Variants in TP53BP2 observed in about 807,000 individuals in gnomAD.
TP53BP2 encodes tumor protein p53 binding protein 2, also known as apoptosis-stimulating of p53 protein 2.
TP53BP2 carries 62 observed loss-of-function variants against 126.2 expected under a neutral mutation model. The observed-to-expected ratio is 0.49, with a 90% CI of 0.40 to 0.61. The LOEUF (loss-of-function observed/expected upper bound fraction) is 0.61. TP53BP2 is among the 20% of genes least tolerant of loss of function. The pLI, the probability that TP53BP2 is intolerant of heterozygous loss-of-function variation, is 0.00. For synonymous variants in TP53BP2, 485 were observed against 502.9 expected (o/e 0.96, Z 0.48); for missense variants, 1,215 against 1,402.8 (o/e 0.87, Z 2.14).
rs527297637 is a variant in TP53BP2, at chr1:223,799,991, T to A, written c.1393A>T (p.Met465Leu). 23 of 1,613,230 alleles carry A rather than the reference T, an allele frequency of 1.4e-5. No homozygotes were observed. In the South Asian group the frequency reaches 2.5e-4, roughly 18 times the overall value. ...TTGGACTGGTCTACTGCATCAAACA[T>A]TGAGAACGGACGCACTTTCTTCTCT... Reference protein sequence around the residue: ...EKEKKVRPFSMFDAVDQSNAP... With the variant: ...EKEKKVRPFSLFDAVDQSNAP... The change falls in exon 11 of 18, where the codon ATG becomes TTG. Residue 465 changes from methionine to leucine, a missense_variant. Physicochemically the swap from Met to Leu is conservative, Grantham distance 15. Coordinates refer to ENST00000343537, the MANE Select transcript of TP53BP2 (RefSeq NM_001031685.3).
At chr1:223,792,682 A>T (rs1002773148) in intron 14 of TP53BP2, among the ~76,000 whole-genome samples, 160 bp from the exon 15 acceptor site, 1 of 152,180 alleles carries the variant, frequency 6.6e-6, no homozygotes, top group Non-Finnish European at 1.5e-5. Flanking sequence ...TATACCAAGA[A>T]CAATTCTAGA....
intron 1 of TP53BP2, among the ~76,000 whole-genome samples, chr1:223,823,908 T>C (rs1247795716): frequency 6.6e-6 from 1 of 152,206 alleles, no homozygotes; most frequent in Non-Finnish European, 1.5e-5. Context: ...ACAGAAATAC[T>C]GGAAATACAG....
rs376487016 is a variant in TP53BP2 at position 223,796,511 on chromosome 1, C to T, written c.2028G>A (p.Lys676=). 43 of 1,613,948 alleles carry T rather than the reference C, an allele frequency of 2.7e-5. No individual in the cohort carries two copies. In the East Asian group the frequency reaches 7.8e-4, roughly 29 times the overall value. Reference sequence around the variant, plus strand: ...CTGTTTCAGGTTCTGGACTGCCAGGCTTGCCCTGGCTATTGGAATAAATGT... The same window carrying T: ...CTGTTTCAGGTTCTGGACTGCCAGGTTTGCCCTGGCTATTGGAATAAATGT... ...PENIYSNSQG[K]PGSPEPETEP... is the part of the protein sequence containing the mutation. Residue 676 remains lysine, a synonymous_variant, in exon 13 of 18, where the codon AAG becomes AAA. Transcript: ENST00000343537. The surrounding 1 kb of genome is among the most constrained non-coding windows in gnomAD (Gnocchi z 4.2).
At chr1:223,832,092 C>A (rs1242429257) in intron 1 of TP53BP2, among the ~76,000 whole-genome samples, 1 of 151,750 alleles carries the variant, frequency 6.6e-6, no homozygotes, top group African/African-American at 2.4e-5. Flanking sequence ...GAGTCAGAGG[C>A]TAACATTTAT....
chr1:223,805,527 T>C (rs528289433), intron 5 of TP53BP2, among the ~76,000 whole-genome samples: 2 of 152,284 alleles, frequency 1.3e-5, no homozygotes, highest in South Asian at 4.1e-4. Flanking sequence ...TTGGAAAAAC[T>C]GGGGTCTGGT....
chr1:223,781,885 G>C (rs1661789305), intron 17 of TP53BP2, among the ~76,000 whole-genome samples: 1 of 152,036 alleles, frequency 6.6e-6, no homozygotes, highest in Non-Finnish European at 1.5e-5. Flanking sequence ...AAAGTACTAA[G>C]AAAATCTAAA....
At chr1:223,781,795 C>CT (rs1661786877) in intron 17 of TP53BP2, among the ~76,000 whole-genome samples, 1 of 151,894 alleles carries the variant, frequency 6.6e-6, no homozygotes, top group Admixed American at 6.6e-5. Context: ...TACATATATG[C>CT]ACTTTCCTTT....
At chr1:223,788,201 ACAGAGGGAAAAGTTCAG>A (rs1182070879) in intron 16 of TP53BP2, among the ~76,000 whole-genome samples, 3 of 152,180 alleles carry the variant, frequency 2.0e-5, no homozygotes, top group Non-Finnish European at 4.4e-5. Context: ...AGGCCTAGAG[ACAGAGGGAAAAGTTCAG>A]CAGAGAGGGC....
At position 223,804,258 on chromosome 1, in the gene TP53BP2, C is replaced by T. The variant is rs771096472; in HGVS notation, c.565G>A (p.Ala189Thr). The T allele has an allele frequency of 1.3e-5, 21 of 1,614,140 alleles. No homozygotes were observed. The East Asian group carries it at 4.7e-4, about 36-fold the overall frequency. The change falls in exon 6 of 18, where the codon GCT becomes ACT. Residue 189 changes from alanine to threonine, a missense_variant. Physicochemically the swap from Ala to Thr is moderately conservative, Grantham distance 58. This residue lies in a region of TP53BP2 where 814 missense variants were observed against 853.0 expected (regional missense o/e 0.95). Transcript: ENST00000343537. ...QEKLKRLKEI[A>T]ENQEAKLKKV... ...TTTAGCTTAGCTTCCTGATTCTCAG[C>T]TATTTCTTTTAGCCTTTTAAGTTTC...
At chr1:223,842,388 G>A (rs1029381663) in intron 1 of TP53BP2, among the ~76,000 whole-genome samples, 1 of 152,176 alleles carries the variant, frequency 6.6e-6, no homozygotes, top group Non-Finnish European at 1.5e-5. Flanking sequence ...GGCCACATTT[G>A]AAGTGCAGTA....
chr1:223,821,540 G>A, intron 1 of TP53BP2, 173 bp from the exon 2 acceptor site: 1 of 830,538 alleles, frequency 1.2e-6, no homozygotes, highest in South Asian at 1.3e-5. Flanking sequence ...AGGGAGACCT[G>A]GAGCCCAGCC....
intron 16 of TP53BP2, among the ~76,000 whole-genome samples, chr1:223,785,857 C>T (rs1210785529): frequency 6.6e-6 from 1 of 152,106 alleles, no homozygotes; most frequent in Admixed American, 6.5e-5. Flanking sequence ...TCCAAATCCA[C>T]CAAGAGTCAA....
intron 2 of TP53BP2, among the ~76,000 whole-genome samples, chr1:223,819,031 A>G (rs146869815): frequency 0.055 from 8,297 of 151,802 alleles, 308 homozygotes; most frequent in Non-Finnish European, 0.085. Flanking sequence ...TAAAAATACA[A>G]AATTAGTTGG....
chr1:223,831,718 C>G (rs1663738324), intron 1 of TP53BP2, among the ~76,000 whole-genome samples: 1 of 149,704 alleles, frequency 6.7e-6, no homozygotes, highest in African/African-American at 2.5e-5. Flanking sequence ...TTTCTACCTC[C>G]TATAGTCATC....
At chr1:223,825,376 G>A (rs1382937271) in intron 1 of TP53BP2, among the ~76,000 whole-genome samples, 1 of 152,136 alleles carries the variant, frequency 6.6e-6, no homozygotes, top group African/African-American at 2.4e-5. Flanking sequence ...CCCCTTCCTT[G>A]AGAGCATACA....
chr1:223,811,540 ACTT>A (rs1330809188), intron 3 of TP53BP2, among the ~76,000 whole-genome samples: 1 of 152,186 alleles, frequency 6.6e-6, no homozygotes, highest in Non-Finnish European at 1.5e-5. Context: ...AGAAAAAAAA[ACTT>A]CTATAATTTC....
At chr1:223,792,963 T>C (rs1662204004) in intron 14 of TP53BP2, among the ~76,000 whole-genome samples, 1 of 151,734 alleles carries the variant, frequency 6.6e-6, no homozygotes, top group South Asian at 2.1e-4. Context: ...AATCCATACA[T>C]GAACAATTTC....
intron 4 of TP53BP2, among the ~76,000 whole-genome samples, chr1:223,809,681 C>T (rs1662843602): frequency 6.6e-6 from 1 of 152,168 alleles, no homozygotes. Context: ...CTGAATTCTA[C>T]TATAAATGTA....
At chr1:223,794,196 T>A (rs1418086945) in intron 13 of TP53BP2, among the ~76,000 whole-genome samples, 2 of 152,020 alleles carry the variant, frequency 1.3e-5, no homozygotes, top group African/African-American at 2.4e-5. Flanking sequence ...AGATCCAGTA[T>A]CCTGTAAAAC....
Sources: allele counts gnomAD v4.1 joint callset (sites outside exome capture counted in the v4.1 genomes callset), GRCh38; gene constraint gnomAD v4.1.1; regional missense constraint gnomAD v4.1.1; non-coding constraint Gnocchi (gnomAD v3.1); transcripts MANE v1.5; gene names NCBI Gene and HGNC (gene_info 2026-07-23, HGNC 2026-07-21).